Variants in ASTN2 observed in about 807,000 individuals in gnomAD.
The protein encoded by ASTN2 is astrotactin 2.
In ASTN2, 54 loss-of-function variants were observed where a neutral mutation model predicts 139.8. The ratio of observed to expected loss-of-function variants is 0.39; its 90% CI spans 0.31 to 0.48. ASTN2 has a LOEUF of 0.48. ASTN2 is among the 20% of genes least tolerant of loss of function. The probability of loss-of-function intolerance (pLI) is 0.95; values close to 1 mark genes in which losing one functional copy is unlikely to be tolerated. For missense variants in ASTN2, 1,565 were observed against 1,725.1 expected, an observed-to-expected ratio of 0.91 and a Z score of 1.64; for synonymous variants, 756 against 719.5, an observed-to-expected ratio of 1.05 and a Z score of -0.81.
chr9:116,733,427 C>A lies in ASTN2; in HGVS notation c.2493G>T (p.Glu831Asp). The A allele has an allele frequency of 1.2e-6, 2 of 1,614,106 alleles. No homozygotes were observed. Among genetic ancestry groups the A allele is most frequent in the Non-Finnish European group, 1.7e-6 (2 of 1,180,020 alleles). Reference sequence around the variant, plus strand: ...TGAGCAGTTGGAGGTCTGGAAGGGGCTCGGAGAGGACCCCCCGGCACTGCT... The same window carrying A: ...TGAGCAGTTGGAGGTCTGGAAGGGGATCGGAGAGGACCCCCCGGCACTGCT... ...VEEQCRGVLS[E>D]PLPDLQLLTG... The change falls in exon 14 of 23, where the codon GAG becomes GAT. Residue 831 changes from glutamate to aspartate, a missense_variant. Glu to Asp is a conservative substitution (Grantham distance 45, BLOSUM62 2). Transcript: ENST00000313400.
chr9:116,569,270 GT>G, intron 19 of ASTN2, among the ~76,000 whole-genome samples: 1 of 152,192 alleles, frequency 6.6e-6, no homozygotes, highest in Admixed American at 6.5e-5. Flanking sequence ...CAGAGCTTTG[GT>G]TTGCTTGTGT....
intron 17 of ASTN2, among the ~76,000 whole-genome samples, chr9:116,633,127 T>C (rs1170150147): frequency 6.6e-6 from 1 of 152,242 alleles, no homozygotes; most frequent in Non-Finnish European, 1.5e-5. Context: ...TGCCTGTCAC[T>C]AAGCTGAGAG....
rs764053356 is a variant in ASTN2 at position 116,651,541 on chromosome 9, T to C, written c.3059A>G (p.Asn1020Ser). 1.9e-5 allele frequency: 31 copies of C among 1,613,554 alleles called. No homozygotes were observed. Among genetic ancestry groups the C allele is most frequent in the South Asian group, 7.7e-5 (7 of 91,072 alleles). The stretch of plus-strand genomic sequence containing the variant: ...AGGGGAGCTCACCTCCTTTGTGCCA[T>C]TGTCTTGGATGAGGGTATAAAGTGG... ...VVPLYTLIQD[N>S]GTKEAFKSAL... Residue 1020 changes from asparagine to serine, a missense_variant, in exon 17 of 23, where the codon AAT (asparagine) becomes AGT (serine). Physicochemically the swap from Asn to Ser is conservative, Grantham distance 46. Transcript: ENST00000313400.
chr9:116,505,267 C>T (rs571991517), intron 19 of ASTN2, among the ~76,000 whole-genome samples: 125 of 151,850 alleles, frequency 8.2e-4, no homozygotes, highest in Non-Finnish European at 1.4e-3. Flanking sequence ...ATGGAACCAT[C>T]TAGATCATGA....
intron 12 of ASTN2, among the ~76,000 whole-genome samples, chr9:116,819,101 C>T (rs988583412): frequency 6.6e-6 from 1 of 152,178 alleles, no homozygotes; most frequent in Non-Finnish European, 1.5e-5. Context: ...TTTGAATCCA[C>T]GGTTCCCTGT....
At chr9:116,586,843 C>CAT (rs1372839781) in intron 19 of ASTN2, among the ~76,000 whole-genome samples, 5 of 149,090 alleles carry the variant, frequency 3.4e-5, no homozygotes, top group African/African-American at 7.4e-5. Flanking sequence ...CACACACACA[C>CAT]ACACACACAC....
At chr9:117,072,875 A>G (rs914560290) in intron 5 of ASTN2, among the ~76,000 whole-genome samples, 1 of 152,220 alleles carries the variant, frequency 6.6e-6, no homozygotes, top group East Asian at 1.9e-4. Flanking sequence ...GTATCCAAAC[A>G]TAAAAGAAAA....
intron 19 of ASTN2, among the ~76,000 whole-genome samples, chr9:116,601,590 A>G (rs1564145027): frequency 6.6e-6 from 1 of 152,226 alleles, no homozygotes; most frequent in Admixed American, 6.5e-5. Flanking sequence ...ATGGGGATCA[A>G]AGCAAAATAG....
intron 11 of ASTN2, among the ~76,000 whole-genome samples, chr9:116,858,705 C>T (rs919898155): frequency 2.6e-5 from 4 of 152,142 alleles, no homozygotes; most frequent in Non-Finnish European, 5.9e-5. Context: ...GGCTCCCTCT[C>T]TTTTCTGATG....
At chr9:117,257,504 C>T (rs1374304162) in intron 2 of ASTN2, among the ~76,000 whole-genome samples, 3 of 152,224 alleles carry the variant, frequency 2.0e-5, no homozygotes, top group Non-Finnish European at 2.9e-5. Context: ...GCCATGCAAG[C>T]TGAAGCTTAA....
intron 4 of ASTN2, among the ~76,000 whole-genome samples, chr9:117,097,184 G>A (rs911975866): frequency 6.6e-6 from 1 of 152,194 alleles, no homozygotes; most frequent in African/African-American, 2.4e-5. Flanking sequence ...AGGATGGGAG[G>A]AGGAGATGAG....
chr9:117,150,253 G>T (rs1257404895), intron 3 of ASTN2, among the ~76,000 whole-genome samples: 1 of 152,140 alleles, frequency 6.6e-6, no homozygotes, highest in African/African-American at 2.4e-5. Context: ...GTAAATGAAT[G>T]TGCTTTCATG....
chr9:116,842,737 T>A (rs1351583948), intron 11 of ASTN2, among the ~76,000 whole-genome samples: 4 of 25,202 alleles, frequency 1.6e-4, no homozygotes, highest in Non-Finnish European at 2.4e-4. Context: ...GCGGCGAGGG[T>A]GGGGTGGGGC....
At chr9:116,529,743 G>A (rs1164164704) in intron 19 of ASTN2, among the ~76,000 whole-genome samples, 3 of 151,952 alleles carry the variant, frequency 2.0e-5, no homozygotes, top group Non-Finnish European at 4.4e-5. Context: ...GAGTTCTCAT[G>A]AGATCTTATC....
intron 6 of ASTN2, among the ~76,000 whole-genome samples, chr9:117,009,779 A>G (rs573899130): frequency 6.7e-4 from 102 of 152,300 alleles, no homozygotes; most frequent in Non-Finnish European, 1.2e-3. Context: ...ATGGAGGTCT[A>G]TCTGTCAGGT....
chr9:116,850,536 A>C (rs1442328041), intron 11 of ASTN2, among the ~76,000 whole-genome samples: 2 of 152,148 alleles, frequency 1.3e-5, no homozygotes, highest in South Asian at 4.1e-4. Context: ...GACAATGAAC[A>C]TGTCACTTCC....
At chr9:116,952,328 T>TA (rs1835585611) in intron 10 of ASTN2, among the ~76,000 whole-genome samples, 1 of 152,192 alleles carries the variant, frequency 6.6e-6, no homozygotes, top group South Asian at 2.1e-4. Context: ...TTCTCGGCCT[T>TA]ATGCTCCAGA....
intron 11 of ASTN2, among the ~76,000 whole-genome samples, chr9:116,843,916 T>C (rs892017648): frequency 6.6e-6 from 1 of 152,142 alleles, no homozygotes; most frequent in Non-Finnish European, 1.5e-5. Context: ...GAAGCTAAAA[T>C]AAATGTTGAA....
At chr9:116,996,810 T>C (rs1837034922) in intron 7 of ASTN2, among the ~76,000 whole-genome samples, 1 of 152,202 alleles carries the variant, frequency 6.6e-6, no homozygotes, top group South Asian at 2.1e-4. Context: ...ATATTTATTG[T>C]AAGGTTTTGC....
Sources: allele counts gnomAD v4.1 joint callset (sites outside exome capture counted in the v4.1 genomes callset), GRCh38; gene constraint gnomAD v4.1.1; transcripts MANE v1.5; gene names NCBI Gene and HGNC (gene_info 2026-07-23, HGNC 2026-07-21).